The following POLD1 variants were observed in gnomAD, a reference collection of about 807,000 sequenced individuals.
POLD1 encodes DNA polymerase delta 1, catalytic subunit.
POLD1 carries 79 observed loss-of-function variants against 129.7 expected under a neutral mutation model. The observed-to-expected ratio is 0.61, with a 90% CI of 0.51 to 0.73. The LOEUF is 0.73. Among genes scored for constraint, POLD1 ranks in the 30% least tolerant of loss-of-function variants. POLD1 has a pLI of 0.00. For missense variants in POLD1, 1,338 were observed against 1,595.8 expected, an observed-to-expected ratio of 0.84 and a Z score of 2.75; for synonymous variants, 714 against 683.3, an observed-to-expected ratio of 1.04 and a Z score of -0.70.
intron 1 of POLD1, among the ~76,000 whole-genome samples, 183 bp downstream of exon 1, chr19:50,384,573 G>A (rs375132063): frequency 6.6e-6 from 1 of 151,968 alleles, no homozygotes; most frequent in African/African-American, 2.4e-5. Context: ...GAAAAGGCCG[G>A]GGTGGGGGTG....
chr19:50,415,391 G>A, intron 20 of POLD1, 47 bp from the exon 21 acceptor site: 1 of 1,580,002 alleles, frequency 6.3e-7, no homozygotes, highest in Non-Finnish European at 8.6e-7. Context: ...GCACCAGCCT[G>A]GCCCTCAGTG....
intron 1 of POLD1, among the ~76,000 whole-genome samples, chr19:50,395,704 A>G (rs2038335698): frequency 6.6e-6 from 1 of 152,050 alleles, no homozygotes. Context: ...CTCTCTGTAT[A>G]CGTACACTCA....
chr19:50,401,864 T>G lies in POLD1; in HGVS notation c.403T>G (p.Phe135Val), dbSNP rs1450837433. 1 of 1,613,752 alleles carries G rather than the reference T, an allele frequency of 6.2e-7. No individual in the cohort carries two copies. The highest frequency in any genetic ancestry group is 8.5e-7 in the Non-Finnish European group (1 of 1,179,892). ...LRAFGVTDEG[F>V]SVCCHIHGFA... ...CGCCTTCGGGGTCACCGATGAGGGG[T>G]TCTCTGTCTGCTGCCACATCCACGG... The change falls in exon 4 of 27, where the codon TTC (phenylalanine) becomes GTC (valine). Residue 135 changes from phenylalanine (F) to valine (V), a missense_variant. By Grantham distance (50) the Phe-to-Val change is conservative (BLOSUM62 -1). Transcript: ENST00000440232.
intron 8 of POLD1, 82 bp from the exon 9 acceptor site, chr19:50,402,971 C>T (rs1424912932): frequency 8.0e-6 from 12 of 1,507,066 alleles, no homozygotes; most frequent in Middle Eastern, 2.0e-4. Flanking sequence ...GGGACAGCCC[C>T]GGGGAGATGG....
Position 50,416,384 on chromosome 19 carries a change from A to T in POLD1, c.2821-12A>T, listed in dbSNP as rs1282676836. 2 of 1,548,126 alleles carry T rather than the reference A, an allele frequency of 1.3e-6. No individual in the cohort carries two copies. On this transcript the variant is annotated splice_polypyrimidine_tract_variant and intron_variant, in intron 22 of 26. Transcript: ENST00000440232. ...CCCTGGCTGCCCGGGTGTGACTGCC[A>T]TGTGGCCGCAGGACCCGCTGTTCGT...
rs3219436 is a variant in POLD1, at chr19:50,416,143, C to T, written c.2821-253C>T. On this transcript the variant is annotated intron_variant, in intron 22 of 26. Transcript: ENST00000440232. ...GTGACCCACATCTTAGCCCCATGACCTCTGACCTCCTGACCCCTTCCTCAT... is the reference window on the plus strand; with the variant it reads ...GTGACCCACATCTTAGCCCCATGACTTCTGACCTCCTGACCCCTTCCTCAT... The T allele has an allele frequency of 3.1e-3, 1,846 of 589,728 alleles. 51 individuals carry two copies. In the Admixed American group the frequency reaches 0.052, roughly 17 times the overall value. 36.5% of individuals were successfully genotyped at this position (589,728 alleles called of 1,614,324 possible).
At chr19:50,401,958 A>G in intron 4 of POLD1, 34 bp downstream of exon 4, 3 of 1,613,688 alleles carry the variant, frequency 1.9e-6, no homozygotes, top group Non-Finnish European at 2.5e-6. Flanking sequence ...TCCCTGAGCC[A>G]CTGGAGCCCC....
At chr19:50,400,550 T>TTTTTTTTTTAGTA (rs2038559264) in intron 3 of POLD1, among the ~76,000 whole-genome samples, 1 of 132,812 alleles carries the variant, frequency 7.5e-6, no homozygotes, top group Non-Finnish European at 1.6e-5. Context: ...TTTTTTTTTT[T>TTTTTTTTTTAGTA]GAGACAGAGT....
rs763280433 is a variant in POLD1 at position 50,409,710 on chromosome 19, C to G, written c.2154+44C>G. ...GGAAGGCAACTGGGGGCAGGTGGGC[C>G]CCCTGTGTAGGAGACCAGGGCTCCA... On this transcript the variant is annotated intron_variant, in intron 17 of 26. Coordinates refer to ENST00000440232, the MANE Select transcript of POLD1 (RefSeq NM_002691.4). The surrounding 1 kb of genome is among the most constrained non-coding windows in gnomAD (Gnocchi z 5.8). The G allele has an allele frequency of 1.2e-4, 185 of 1,562,386 alleles. No homozygotes were observed. Among genetic ancestry groups the G allele is most frequent in the Admixed American group, 2.2e-4 (12 of 55,042 alleles).
rs980089470 is a variant in POLD1, at chr19:50,413,334, G to A, written c.2155-92G>A. 21 of 1,032,730 alleles carry A rather than the reference G, an allele frequency of 2.0e-5. No individual in the cohort carries two copies. The African/African-American group carries it at 2.5e-4, about 12-fold the overall frequency. The allele number at this position is 1,032,730 out of a possible 1,614,324, so 64.0% of individuals were successfully genotyped here. On this transcript the variant is annotated intron_variant, in intron 17 of 26. Coordinates refer to ENST00000440232, the MANE Select transcript of POLD1 (RefSeq NM_002691.4). ...CTTGTACATAAGCCTATGCCACTGG[G>A]AAATGGCAGAGGCGGGACCCCTCCC...
chr19:50,395,876 C>CTTTTTTTTTTTTTTTTTTTTTTTT (rs774272686), intron 1 of POLD1, among the ~76,000 whole-genome samples: 2 of 73,658 alleles, frequency 2.7e-5, no homozygotes, highest in East Asian at 4.3e-4. Context: ...AGGATATATA[C>CTTTTTTTTTTTTTTTTTTTTTTTT]TTTTTTTTTT....
At position 50,396,089 on chromosome 19, in the gene POLD1, TTTTG is replaced by T. The variant is rs1438296895; in HGVS notation, c.-1-2758_-1-2755del. On this transcript the variant is annotated intron_variant, in intron 1 of 26. Coordinates refer to ENST00000440232, the MANE Select transcript of POLD1 (RefSeq NM_002691.4). ...ATTGTTGTTGTTGGTGGTGGTTTTT[TTTTG>T]TTTTTTTTTTTGAGACAGAATATTG... 9.9e-5 allele frequency among the ~76,000 whole-genome samples: 14 copies of T among 141,138 alleles called. 1 individual carries two copies. Among genetic ancestry groups the T allele is most frequent in the Admixed American group, 2.7e-4 (4 of 14,570 alleles). 92.6% of individuals were successfully genotyped at this position (141,138 alleles called of 152,430 possible). A position where few individuals can be genotyped will look rare whatever the true frequency, so the allele number is the denominator to read the frequency against.
chr19:50,416,850 C>T (rs930144576), intron 24 of POLD1, 127 bp downstream of exon 24: 1 of 934,150 alleles, frequency 1.1e-6, no homozygotes, highest in Non-Finnish European at 1.6e-6. Flanking sequence ...GGGTGGGTGG[C>T]CCCTGTCTCC....
chr19:50,392,550 T>G lies in POLD1; in HGVS notation c.-1-6301T>G, dbSNP rs187122215. 1.9e-3 allele frequency among the ~76,000 whole-genome samples: 295 copies of G among 152,104 alleles called. 2 individuals carry two copies. Among genetic ancestry groups the G allele is most frequent in the African/African-American group, 6.4e-3 (266 of 41,494 alleles). ...TGGAGTGCAGTGGCGTGATCGCAGC[T>G]CACTGCAACCTCTGCCTCCCAGGTT... On this transcript the variant is annotated intron_variant, in intron 1 of 26. Transcript: ENST00000440232.
At chr19:50,389,129 C>T (rs1305667053) in intron 1 of POLD1, among the ~76,000 whole-genome samples, 1 of 149,692 alleles carries the variant, frequency 6.7e-6, no homozygotes, top group Non-Finnish European at 1.5e-5. Context: ...CCGCACCTGG[C>T]CTCTTTTTTT....
intron 19 of POLD1, among the ~76,000 whole-genome samples, chr19:50,414,159 C>T (rs922168177): frequency 1.3e-5 from 2 of 152,238 alleles, no homozygotes; most frequent in Admixed American, 6.5e-5. Context: ...GAGCTGCCCT[C>T]CACGCAGGGA....
chr19:50,410,127 G>A (rs116839494), intron 17 of POLD1, among the ~76,000 whole-genome samples: 1,710 of 152,296 alleles, frequency 0.011, 36 homozygotes, highest in African/African-American at 0.039. Context: ...GCCATTCACC[G>A]TCCCCACGGC....
intron 3 of POLD1, among the ~76,000 whole-genome samples, chr19:50,400,597 A>G (rs2038562160): frequency 7.0e-6 from 1 of 142,416 alleles, no homozygotes; most frequent in African/African-American, 2.7e-5. Context: ...CAGTGGCACA[A>G]TCATGGTTCA....
chr19:50,401,610 G>A (rs540244518), intron 3 of POLD1, among the ~76,000 whole-genome samples, 168 bp from the exon 4 acceptor site: 4 of 151,752 alleles, frequency 2.6e-5, no homozygotes, highest in Non-Finnish European at 5.9e-5. Flanking sequence ...GGATCCTGGG[G>A]GATGAGGCTG....
Sources: allele counts gnomAD v4.1 joint callset (sites outside exome capture counted in the v4.1 genomes callset), GRCh38; gene constraint gnomAD v4.1.1; non-coding constraint Gnocchi (gnomAD v3.1); transcripts MANE v1.5; gene names NCBI Gene and HGNC (gene_info 2026-07-23, HGNC 2026-07-21).